USP33: variants seen among roughly 807,000 people sequenced by gnomAD.
USP33 encodes the protein ubiquitin carboxyl-terminal hydrolase 33.
In USP33, 46 loss-of-function variants were observed where a neutral mutation model predicts 124.2. The observed-to-expected ratio is 0.37, with a 90% CI of 0.29 to 0.47. USP33 has a LOEUF of 0.47. Among genes scored for constraint, USP33 ranks in the 20% least tolerant of loss-of-function variants. The probability of loss-of-function intolerance (pLI) is 0.99; values close to 1 mark genes in which losing one functional copy is unlikely to be tolerated. For missense variants in USP33, 851 were observed against 1,070.6 expected, an observed-to-expected ratio of 0.79 and a Z score of 2.86; for synonymous variants, 350 against 352.3, an observed-to-expected ratio of 0.99 and a Z score of 0.07.
At chr1:77,720,165 GAAAAAAAAAAAAA>G (rs745681259) in intron 15 of USP33, among the ~76,000 whole-genome samples, 10 of 42,744 alleles carry the variant, frequency 2.3e-4, no homozygotes, top group Middle Eastern at 0.033. Context: ...TGTCTCAAAT[GAAAAAAAAAAAAA>G]AAAAAAAAAA....
chr1:77,709,814 G>C (rs975133194), intron 21 of USP33, among the ~76,000 whole-genome samples: 3 of 151,298 alleles, frequency 2.0e-5, no homozygotes, highest in Non-Finnish European at 4.4e-5. Flanking sequence ...TCCTACTGGA[G>C]TAATCATTGA....
At chr1:77,707,975 A>C (rs1341990821) in intron 21 of USP33, among the ~76,000 whole-genome samples, 1 of 152,256 alleles carries the variant, frequency 6.6e-6, no homozygotes, top group Non-Finnish European at 1.5e-5. Context: ...AACATCATTT[A>C]GAAATAGGTA....
At chr1:77,703,422 G>A (rs1251062622) in intron 21 of USP33, among the ~76,000 whole-genome samples, 3 of 152,044 alleles carry the variant, frequency 2.0e-5, no homozygotes, top group African/African-American at 4.8e-5. Flanking sequence ...TCAGGAGTTC[G>A]AGACCAGTCT....
intron 12 of USP33, among the ~76,000 whole-genome samples, chr1:77,723,084 C>T (rs979816573): frequency 6.6e-6 from 1 of 152,142 alleles, no homozygotes; most frequent in African/African-American, 2.4e-5. Context: ...TTATATGTAA[C>T]CAAAATAGAT....
In USP33 at chr1:77,706,900, C is replaced by T. The variant is rs978260233; in HGVS notation, c.2406+4847G>A. Among the ~76,000 whole-genome samples the T allele has an allele frequency of 6.6e-5, 10 of 152,298 alleles. No homozygotes were observed. In the East Asian group the frequency reaches 7.7e-4, roughly 12 times the overall value. ...GTTTTGCTTCCCATACTCACAACTT[C>T]GGCCTCTACTAAATGTGGAAGATTT... On this transcript the variant is annotated intron_variant, in intron 21 of 23. Transcript: ENST00000370794.
At position 77,728,439 on chromosome 1, in the gene USP33, C is replaced by T. The variant is rs942714863; in HGVS notation, c.991G>A (p.Asp331Asn). 4.3e-6 allele frequency: 7 copies of T among 1,613,870 alleles called. No individual in the cohort carries two copies. The African/African-American group carries it at 9.3e-5, about 22-fold the overall frequency. Residue 331 changes from aspartate (D) to asparagine (N), a missense_variant, in exon 10 of 24, where the codon GAT becomes AAT. This residue lies in a region of USP33 where 207 missense variants were observed against 200.9 expected (regional missense o/e 1.03). Transcript: ENST00000370794. ...TTGCACATCTTCTCTTTTTGCCAAT[C>T]CTTTGACATTTCTGAATTGTTTTCA... ...DDENNSEMSK[D>N]WQKEKMCNKI...
rs772706295 is a variant in USP33 at position 77,728,519 on chromosome 1, C to T, written c.911G>A (p.Gly304Asp). 3 of 1,614,136 alleles carry T rather than the reference C, an allele frequency of 1.9e-6. No homozygotes were observed. In the Admixed American group the frequency reaches 5.0e-5, roughly 27 times the overall value. The change falls in exon 10 of 24, where the codon GGC becomes GAC. Residue 304 changes from glycine (G) to aspartate (D), a missense_variant. Gly to Asp is a moderately conservative substitution (Grantham distance 94). Coordinates refer to ENST00000370794, the MANE Select transcript of USP33 (RefSeq NM_201624.3). ...ATTATCTTCAGAAAAGCATCTAGAGCCATTTTCATTTTCTGCTCTATCACT... is the reference window on the plus strand; with the variant it reads ...ATTATCTTCAGAAAAGCATCTAGAGTCATTTTCATTTTCTGCTCTATCACT... ...SNSDRAENEN[G>D]SRCFSEDNNE...
At chr1:77,720,668 T>G (rs1429531729) in intron 15 of USP33, 2 of 951,038 alleles carry the variant, frequency 2.1e-6, no homozygotes, top group Non-Finnish European at 2.5e-6. Context: ...CAACACTTTT[T>G]TCTGACTTAC....
At chr1:77,727,808 C>T (rs1677330260) in intron 10 of USP33, among the ~76,000 whole-genome samples, 1 of 152,158 alleles carries the variant, frequency 6.6e-6, no homozygotes, top group African/African-American at 2.4e-5. Flanking sequence ...TGGCCACATG[C>T]TCTTTCTCAA....
At chr1:77,701,662 T>G (rs901506706) in intron 21 of USP33, 191 bp from the exon 22 acceptor site, 15 of 455,110 alleles carry the variant, frequency 3.3e-5, no homozygotes, top group Non-Finnish European at 5.7e-5. Context: ...AAAACATTAT[T>G]TTTTATTTTT....
intron 15 of USP33, 126 bp from the exon 16 acceptor site, chr1:77,718,767 T>TAA: frequency 1.4e-6 from 1 of 706,698 alleles, no homozygotes; most frequent in South Asian, 1.8e-5. Flanking sequence ...CCGTCTCTAC[T>TAA]AAAAATACAA....
At chr1:77,717,568 A>G (rs1188400116) in intron 17 of USP33, 2 of 180,252 alleles carry the variant, frequency 1.1e-5, no homozygotes, top group Non-Finnish European at 2.3e-5. Context: ...TAGTAAAAAT[A>G]TTTAATTGCA....
At chr1:77,750,708 G>A (rs1196757098) in intron 1 of USP33, among the ~76,000 whole-genome samples, 1 of 151,938 alleles carries the variant, frequency 6.6e-6, no homozygotes, top group Non-Finnish European at 1.5e-5. Context: ...ATTAGTGCAT[G>A]TAAACAAAGG....
intron 3 of USP33, 26 bp downstream of exon 3, chr1:77,741,350 C>T (rs1434750926): frequency 2.5e-6 from 4 of 1,572,296 alleles, no homozygotes; most frequent in Non-Finnish European, 3.4e-6. Context: ...TTATAGCAAT[C>T]TTTTCAGGAA....
chr1:77,744,317 G>A (rs1679494541), intron 1 of USP33, among the ~76,000 whole-genome samples: 1 of 151,990 alleles, frequency 6.6e-6, no homozygotes, highest in Non-Finnish European at 1.5e-5. Context: ...CCACAGTGAA[G>A]AGAAAAAGAA....
chr1:77,755,835 G>A (rs764394656), intron 1 of USP33, among the ~76,000 whole-genome samples: 2 of 152,168 alleles, frequency 1.3e-5, no homozygotes, highest in Non-Finnish European at 2.9e-5. Flanking sequence ...ATAAGCCCTG[G>A]GGGATAGAAA....
chr1:77,721,057 C>A, intron 15 of USP33, 115 bp downstream of exon 15: 1 of 1,158,844 alleles, frequency 8.6e-7, no homozygotes, highest in South Asian at 1.3e-5. Flanking sequence ...CTAGGATAAA[C>A]CTTTCTGGCC....
intron 3 of USP33, 25 bp downstream of exon 3, chr1:77,741,351 T>C: frequency 6.4e-7 from 1 of 1,572,966 alleles, no homozygotes. Context: ...TATAGCAATC[T>C]TTTCAGGAAA....
intron 22 of USP33, among the ~76,000 whole-genome samples, chr1:77,700,609 T>C (rs1447445756): frequency 6.6e-6 from 1 of 152,084 alleles, no homozygotes; most frequent in Non-Finnish European, 1.5e-5. Context: ...ACCTTGTCTC[T>C]ATTAATTTAA....
Sources: allele counts gnomAD v4.1 joint callset (sites outside exome capture counted in the v4.1 genomes callset), GRCh38; gene constraint gnomAD v4.1.1; regional missense constraint gnomAD v4.1.1; transcripts MANE v1.5; gene names NCBI Gene and HGNC (gene_info 2026-07-23, HGNC 2026-07-21).